DEXI: variants seen among roughly 807,000 people sequenced by gnomAD.
DEXI encodes Dexi homolog.
In DEXI, 2 loss-of-function variants were observed where a neutral mutation model predicts 2.5. That is an observed-to-expected ratio of 0.81 (90% confidence interval 0.33 to 2.55). The LOEUF (loss-of-function observed/expected upper bound fraction) is 2.55, where lower values mean the gene tolerates loss of function less well. Among genes scored for constraint, DEXI ranks in the 30% most tolerant of loss-of-function variants. The pLI is 0.11. For synonymous variants in DEXI, 71 were observed against 68.7 expected, an observed-to-expected ratio of 1.03 and a Z score of -0.17; for missense variants, 108 against 130.3, an observed-to-expected ratio of 0.83 and a Z score of 0.83.
chr16:10,941,735 C>CA lies in DEXI; in HGVS notation c.270dup (p.Asp91Ter). On this transcript the variant is annotated frameshift_variant, in exon 1 of 2. Transcript: ENST00000331808. LOFTEE classifies it low-confidence loss of function (END_TRUNC). This position sits in a 1 kb window ranked among gnomAD's most constrained non-coding sequence, Gnocchi z 6.4. ...TCGAGACCCTACTCCAAGTACGCAT[C>CA]AAAGACGTCGAGCTCCGAGTCAGCA... The CA allele has an allele frequency of 6.2e-7, 1 of 1,610,826 alleles. No homozygotes were observed. The highest frequency in any genetic ancestry group is 8.5e-7 in the Non-Finnish European group (1 of 1,178,338).
Position 10,941,224 on chromosome 16 carries a change from AGCCAGGATGAGGACTGGAGG to A in DEXI, c.*149+325_*149+344del. 1 of 156,010 alleles carries A rather than the reference AGCCAGGATGAGGACTGGAGG, an allele frequency of 6.4e-6. No individual in the cohort carries two copies. The highest frequency in any genetic ancestry group is 6.2e-5 in the Admixed American group (1 of 16,010). The allele number at this position is 156,010 out of a possible 1,614,324, so 9.7% of individuals were successfully genotyped here. ...CCCCCAAAAGCCAAGGTCATCATCA[AGCCAGGATGAGGACTGGAGG>A]AGGAGCTGACAGCTCTGCCTCAAAT... On this transcript the variant is annotated intron_variant, in intron 1 of 1. Transcript: ENST00000331808. This position sits in a 1 kb window ranked among gnomAD's most constrained non-coding sequence, Gnocchi z 6.4.
In DEXI at chr16:10,941,754, G is replaced by A. The variant is rs763616342; in HGVS notation, c.252C>T (p.Asp84=). The A allele has an allele frequency of 8.1e-6, 13 of 1,612,494 alleles. No homozygotes were observed. In the South Asian group the frequency reaches 1.3e-4, roughly 16 times the overall value. The change falls in exon 1 of 2, where the codon GAC becomes GAT. Residue 84 remains aspartate, a synonymous_variant. Transcript: ENST00000331808. The surrounding 1 kb of genome is among the most constrained non-coding windows in gnomAD (Gnocchi z 6.4). Reference sequence around the variant, plus strand: ...ACGCATCAAAGACGTCGAGCTCCGAGTCAGCATCGTAAAGGCCCGAGCCGG... The same window carrying A: ...ACGCATCAAAGACGTCGAGCTCCGAATCAGCATCGTAAAGGCCCGAGCCGG... ...SDPGSGLYDA[D]SELDVFDAYL...
chr16:10,932,143 A>G (rs1343236815), intron 1 of DEXI: 1 of 152,190 alleles, frequency 6.6e-6, no homozygotes, highest in East Asian at 1.9e-4. Flanking sequence ...CCAGGTTTCT[A>G]TGTGTAGGGC....
Position 10,938,946 on chromosome 16 carries a change from GAT to G in DEXI, c.*149+2621_*149+2622del, listed in dbSNP as rs2041065329. ...AGTGTTTCTGTTGATGTGGTAAAGA[GAT>G]AAAATAAGACGTTCCTCACCAAGTT... is the stretch of plus-strand genomic sequence containing the variant. On this transcript the variant is annotated intron_variant, in intron 1 of 1. Coordinates refer to ENST00000331808, the MANE Select transcript of DEXI (RefSeq NM_014015.4). The surrounding 1 kb of genome is among the most constrained non-coding windows in gnomAD (Gnocchi z 4.9). 6.6e-6 allele frequency: 1 copy of G among 152,232 alleles called. No individual in the cohort carries two copies. The highest frequency in any genetic ancestry group is 1.5e-5 in the Non-Finnish European group (1 of 68,036). 9.4% of individuals were successfully genotyped at this position (152,232 alleles called of 1,614,324 possible).
At position 10,929,645 on chromosome 16, in the gene DEXI, G is replaced by A; in HGVS notation, c.*150-86C>T. 4.7e-6 allele frequency: 4 copies of A among 852,298 alleles called. No homozygotes were observed. Among genetic ancestry groups the A allele is most frequent in the Non-Finnish European group, 5.6e-6 (4 of 708,700 alleles). 52.8% of individuals were successfully genotyped at this position (852,298 alleles called of 1,614,324 possible). A position where few individuals can be genotyped will look rare whatever the true frequency, so the allele number is the denominator to read the frequency against. On this transcript the variant is annotated intron_variant, in intron 1 of 1. Coordinates refer to ENST00000331808, the MANE Select transcript of DEXI (RefSeq NM_014015.4). The surrounding 1 kb of genome is among the most constrained non-coding windows in gnomAD (Gnocchi z 4.3). ...CTGGGGACAGGGACCAATCCACCAG[G>A]CTCGGGAGGCTTGGGGTGGGGCAGG...
At position 10,941,626 on chromosome 16, in the gene DEXI, C is replaced by T. The variant is rs549714186; in HGVS notation, c.*92G>A. On this transcript the variant is annotated 3_prime_UTR_variant, in exon 1 of 2. Transcript: ENST00000331808. The surrounding 1 kb of genome is among the most constrained non-coding windows in gnomAD (Gnocchi z 6.4). ...GGGAACCATCCCCGTCCAGATGGTG[C>T]CCCCAACCAGCTGCGGCGGCATGAT... The T allele has an allele frequency of 1.8e-5, 28 of 1,518,552 alleles. No homozygotes were observed. In the South Asian group the frequency reaches 3.3e-4, roughly 18 times the overall value. 94.1% of individuals were successfully genotyped at this position (1,518,552 alleles called of 1,614,324 possible).
chr16:10,929,111 C>G lies in DEXI; in HGVS notation c.*598G>C, dbSNP rs1596638741. 2 of 716,174 alleles carry G rather than the reference C, an allele frequency of 2.8e-6. No homozygotes were observed. Among genetic ancestry groups the G allele is most frequent in the African/African-American group, 1.9e-5 (1 of 51,962 alleles). The allele number at this position is 716,174 out of a possible 1,614,324, so 44.4% of individuals were successfully genotyped here. ...GAGCGAGAATCCCACCCTCAGCCCCCCAACAGCTTCCTCAGCTTCTTTTTC... is the reference window on the plus strand; with the variant it reads ...GAGCGAGAATCCCACCCTCAGCCCCGCAACAGCTTCCTCAGCTTCTTTTTC... On this transcript the variant is annotated 3_prime_UTR_variant, in exon 2 of 2. Coordinates refer to ENST00000331808, the MANE Select transcript of DEXI (RefSeq NM_014015.4). This position sits in a 1 kb window ranked among gnomAD's most constrained non-coding sequence, Gnocchi z 4.3.
rs549353157 is a variant in DEXI, at chr16:10,941,247, G to A, written c.*149+322C>T. The A allele has an allele frequency of 9.6e-4, 151 of 157,734 alleles. 1 individual carries two copies. The highest frequency in any genetic ancestry group is 3.4e-3 in the African/African-American group (143 of 41,624). The allele number at this position is 157,734 out of a possible 1,614,324, so 9.8% of individuals were successfully genotyped here. ...CAAGCCAGGATGAGGACTGGAGGAG[G>A]AGCTGACAGCTCTGCCTCAAATGGA... On this transcript the variant is annotated intron_variant, in intron 1 of 1. Transcript: ENST00000331808. This position sits in a 1 kb window ranked among gnomAD's most constrained non-coding sequence, Gnocchi z 6.4.
In DEXI at chr16:10,940,957, G is replaced by C. The variant is rs2041094853; in HGVS notation, c.*149+612C>G. On this transcript the variant is annotated intron_variant, in intron 1 of 1. Transcript: ENST00000331808. The surrounding 1 kb of genome is among the most constrained non-coding windows in gnomAD (Gnocchi z 4.2). ...AAACTGGCAGCCCCTGCAGTTCTGA[G>C]CTGCAGAACTGATGAGCTGGGGCAC... 6.6e-6 allele frequency: 1 copy of C among 152,222 alleles called. No homozygotes were observed. Among genetic ancestry groups the C allele is most frequent in the Admixed American group, 6.5e-5 (1 of 15,276 alleles). 9.4% of individuals were successfully genotyped at this position (152,222 alleles called of 1,614,324 possible).
At chr16:10,933,694 C>A (rs1275336678) in intron 1 of DEXI, 2 of 152,346 alleles carry the variant, frequency 1.3e-5, no homozygotes, top group East Asian at 1.9e-4. Context: ...CGGCAGGGAA[C>A]CTTCTCAAGG....
In DEXI at chr16:10,941,914, A is replaced by T. The variant is rs1191739878; in HGVS notation, c.92T>A (p.Val31Glu). 1.2e-6 allele frequency: 2 copies of T among 1,606,506 alleles called. No individual in the cohort carries two copies. Among genetic ancestry groups the T allele is most frequent in the Non-Finnish European group, 1.7e-6 (2 of 1,177,418 alleles). ...PPPLLPSMFY[V>E]GLFFVNVLIL... ...CAGCACATTGACGAAGAACAGGCCC[A>T]CGTAGAACATAGAGGGCAGCAGCGG... The change falls in exon 1 of 2, where the codon GTG becomes GAG. Residue 31 changes from valine (V) to glutamate (E), a missense_variant. Coordinates refer to ENST00000331808, the MANE Select transcript of DEXI (RefSeq NM_014015.4). The surrounding 1 kb of genome is among the most constrained non-coding windows in gnomAD (Gnocchi z 6.4).
At position 10,941,928 on chromosome 16, in the gene DEXI, G is replaced by C. The variant is rs752792401; in HGVS notation, c.78C>G (p.Pro26=). The change falls in exon 1 of 2, where the codon CCC becomes CCG. Residue 26 remains proline, a synonymous_variant. Transcript: ENST00000331808. The surrounding 1 kb of genome is among the most constrained non-coding windows in gnomAD (Gnocchi z 6.4). The stretch of plus-strand genomic sequence containing the variant: ...AGAACAGGCCCACGTAGAACATAGA[G>C]GGCAGCAGCGGCGGCGGCACGTAGG... ...LVPYVPPPLL[P]SMFYVGLFFV... The C allele has an allele frequency of 3.8e-6, 6 of 1,596,130 alleles. No individual in the cohort carries two copies. The Admixed American group carries it at 7.0e-5, about 19-fold the overall frequency.
At position 10,939,267 on chromosome 16, in the gene DEXI, A is replaced by G. The variant is rs1830359844; in HGVS notation, c.*149+2302T>C. On this transcript the variant is annotated intron_variant, in intron 1 of 1. Coordinates refer to ENST00000331808, the MANE Select transcript of DEXI (RefSeq NM_014015.4). The surrounding 1 kb of genome is among the most constrained non-coding windows in gnomAD (Gnocchi z 4.9). ...GTCACCTCTGGCCTGGACAACTAAC[A>G]GCATCTGAGGTGGTGGCCCTGCTTC... The G allele has an allele frequency of 6.6e-6, 1 of 152,224 alleles. No homozygotes were observed. Among genetic ancestry groups the G allele is most frequent in the Admixed American group, 6.5e-5 (1 of 15,290 alleles). 9.4% of individuals were successfully genotyped at this position (152,224 alleles called of 1,614,324 possible).
chr16:10,935,540 G>C (rs1429997132), intron 1 of DEXI: 1 of 152,194 alleles, frequency 6.6e-6, no homozygotes, highest in Admixed American at 6.5e-5. Context: ...TAAAAAAGTA[G>C]TTTTACAGAT....
chr16:10,931,728 A>G (rs2040805002), intron 1 of DEXI: 1 of 152,214 alleles, frequency 6.6e-6, no homozygotes, highest in Non-Finnish European at 1.5e-5. Flanking sequence ...AAACAAACAA[A>G]CAAAAATACA....
rs1268388911 is a variant in DEXI at position 10,939,099 on chromosome 16, G to T, written c.*149+2470C>A. Reference sequence around the variant, plus strand: ...GTCTGTTGAATGAGTGAGTGCATATGCAAAGGGCCTAGACACAGGAGTGCG... The same window carrying T: ...GTCTGTTGAATGAGTGAGTGCATATTCAAAGGGCCTAGACACAGGAGTGCG... On this transcript the variant is annotated intron_variant, in intron 1 of 1. Coordinates refer to ENST00000331808, the MANE Select transcript of DEXI (RefSeq NM_014015.4). This position sits in a 1 kb window ranked among gnomAD's most constrained non-coding sequence, Gnocchi z 4.9. 1 of 152,184 alleles carries T rather than the reference G, an allele frequency of 6.6e-6. No homozygotes were observed. Among genetic ancestry groups the T allele is most frequent in the African/African-American group, 2.4e-5 (1 of 41,450 alleles). The allele number at this position is 152,184 out of a possible 1,614,324, so 9.4% of individuals were successfully genotyped here.
At chr16:10,936,650 G>A (rs944675859) in intron 1 of DEXI, 2 of 152,244 alleles carry the variant, frequency 1.3e-5, no homozygotes, top group African/African-American at 4.8e-5. Flanking sequence ...TTGGAAGAGT[G>A]CGTATGAAAT....
intron 1 of DEXI, chr16:10,936,843 G>A (rs575311883): frequency 6.6e-6 from 1 of 152,244 alleles, no homozygotes; most frequent in East Asian, 1.9e-4. Context: ...CAGGGATAAA[G>A]AGGTCTGCCA....
chr16:10,932,137 G>A (rs747589121), intron 1 of DEXI: 2 of 152,156 alleles, frequency 1.3e-5, no homozygotes, highest in African/African-American at 2.4e-5. Context: ...GTGACCCCAG[G>A]TTTCTATGTG....
Sources: allele counts gnomAD v4.1 joint callset, GRCh38; gene constraint gnomAD v4.1.1; non-coding constraint Gnocchi (gnomAD v3.1); transcripts MANE v1.5; gene names NCBI Gene and HGNC (gene_info 2026-07-23, HGNC 2026-07-21).